GPC6: variants seen among roughly 807,000 people sequenced by gnomAD.
GPC6 encodes glypican-6.
GPC6 carries 14 observed loss-of-function variants against 55.2 expected under a neutral mutation model. The ratio of observed to expected loss-of-function variants is 0.25; its 90% CI spans 0.17 to 0.40. The LOEUF is 0.40. Ranked by LOEUF, GPC6 falls within the 10% of genes least tolerant of loss-of-function variation. The pLI is 1.00. For synonymous variants in GPC6, 278 were observed against 259.6 expected, an observed-to-expected ratio of 1.07 and a Z score of -0.68; for missense variants, 641 against 708.5, an observed-to-expected ratio of 0.90 and a Z score of 1.08.
At chr13:94,338,253 C>T (rs1378147169) in intron 6 of GPC6, among the ~76,000 whole-genome samples, 1 of 152,132 alleles carries the variant, frequency 6.6e-6, no homozygotes, top group Non-Finnish European at 1.5e-5. Flanking sequence ...CCAGAGATTC[C>T]TAATCTGCTT....
At chr13:93,385,929 T>C (rs9524038) in intron 1 of GPC6, among the ~76,000 whole-genome samples, 23,715 of 151,880 alleles carry the variant, frequency 0.16, 2,511 homozygotes, top group East Asian at 0.53. Context: ...CTAACACGGA[T>C]GTATTCTATA....
At chr13:93,821,391 G>T (rs1435886181) in intron 2 of GPC6, among the ~76,000 whole-genome samples, 2 of 152,060 alleles carry the variant, frequency 1.3e-5, no homozygotes, top group South Asian at 4.1e-4. Flanking sequence ...AAATAGGCCT[G>T]GAAAATACTC....
chr13:93,953,137 C>T (rs1424775616), intron 3 of GPC6, among the ~76,000 whole-genome samples: 4 of 152,026 alleles, frequency 2.6e-5, no homozygotes. Context: ...CACCTTCCCT[C>T]GTGGTTTTTG....
At chr13:93,853,837 G>A (rs914141313) in intron 3 of GPC6, among the ~76,000 whole-genome samples, 12 of 151,262 alleles carry the variant, frequency 7.9e-5, no homozygotes, top group Non-Finnish European at 1.3e-4. Flanking sequence ...TTGTCCTCAC[G>A]GGAATTAAAT....
intron 2 of GPC6, among the ~76,000 whole-genome samples, chr13:93,640,832 G>GTTGC (rs1879902496): frequency 8.3e-6 from 1 of 119,954 alleles, no homozygotes; most frequent in Non-Finnish European, 1.6e-5. Context: ...TCCTTCCTTT[G>GTTGC]TTCCTTCCTT....
intron 4 of GPC6, among the ~76,000 whole-genome samples, chr13:94,127,778 T>C (rs1422319129): frequency 6.6e-6 from 1 of 152,190 alleles, no homozygotes; most frequent in Non-Finnish European, 1.5e-5. Flanking sequence ...TTGCCACAGG[T>C]GACTGGTTTA....
intron 4 of GPC6, among the ~76,000 whole-genome samples, chr13:94,125,350 G>A (rs147368599): frequency 3.9e-5 from 6 of 152,114 alleles, no homozygotes; most frequent in Non-Finnish European, 1.5e-5. Flanking sequence ...GATGCTTTAA[G>A]TATCAGAAAT....
chr13:93,933,450 A>G, intron 3 of GPC6, among the ~76,000 whole-genome samples: 1 of 152,130 alleles, frequency 6.6e-6, no homozygotes, highest in East Asian at 1.9e-4. Flanking sequence ...GCTTTAAACC[A>G]GGCTCTACTA....
chr13:93,341,797 C>T (rs1880264519), intron 1 of GPC6, among the ~76,000 whole-genome samples: 1 of 149,680 alleles, frequency 6.7e-6, no homozygotes, highest in Non-Finnish European at 1.5e-5. Flanking sequence ...GCGTCTTAGT[C>T]ATTATTTATT....
chr13:93,996,532 G>A (rs185351825), intron 3 of GPC6, among the ~76,000 whole-genome samples: 2 of 152,094 alleles, frequency 1.3e-5, no homozygotes, highest in African/African-American at 4.8e-5. Flanking sequence ...TTTTCTTGGT[G>A]GTTAGTGCTT....
At chr13:93,995,254 C>G (rs1013243413) in intron 3 of GPC6, among the ~76,000 whole-genome samples, 1 of 151,870 alleles carries the variant, frequency 6.6e-6, no homozygotes, top group Non-Finnish European at 1.5e-5. Flanking sequence ...GTGGCACAAC[C>G]TCAGCTCAGT....
rs189640001 is a variant in GPC6, at chr13:93,354,825, A to G, written c.160+127209A>G. ...GTGGACAGAGAATCCACCCACTTCAAGTGGGACAAAGAGATCCCAGGAGGG... is the reference window on the plus strand; with the variant it reads ...GTGGACAGAGAATCCACCCACTTCAGGTGGGACAAAGAGATCCCAGGAGGG... On this transcript the variant is annotated intron_variant, in intron 1 of 8. Transcript: ENST00000377047. Among the ~76,000 whole-genome samples, 697 of 152,272 alleles carry G rather than the reference A, an allele frequency of 4.6e-3. 6 individuals carry two copies. Among genetic ancestry groups the G allele is most frequent in the South Asian group, 0.016 (75 of 4,822 alleles).
At chr13:93,768,105 T>A (rs1194007195) in intron 2 of GPC6, among the ~76,000 whole-genome samples, 4 of 152,204 alleles carry the variant, frequency 2.6e-5, no homozygotes, top group African/African-American at 9.6e-5. Flanking sequence ...ATTTAACTCA[T>A]GTGGCGTGGA....
chr13:93,282,449 A>T (rs1439531139), intron 1 of GPC6, among the ~76,000 whole-genome samples: 1 of 152,024 alleles, frequency 6.6e-6, no homozygotes, highest in Non-Finnish European at 1.5e-5. Context: ...CTAGGAAGAG[A>T]GCAGGTATGT....
intron 2 of GPC6, among the ~76,000 whole-genome samples, chr13:93,549,524 G>A (rs1359252848): frequency 1.3e-5 from 2 of 152,116 alleles, no homozygotes; most frequent in Non-Finnish European, 2.9e-5. Flanking sequence ...GTGCAGTCAC[G>A]CAGATGTTAT....
chr13:93,631,519 A>G (rs1036138509), intron 2 of GPC6, among the ~76,000 whole-genome samples: 1 of 152,232 alleles, frequency 6.6e-6, no homozygotes, highest in Non-Finnish European at 1.5e-5. Flanking sequence ...TACTTTTTAT[A>G]GCAGCCCTAA....
intron 1 of GPC6, among the ~76,000 whole-genome samples, chr13:93,466,725 G>A (rs1268303137): frequency 6.6e-6 from 1 of 152,160 alleles, no homozygotes; most frequent in African/African-American, 2.4e-5. Flanking sequence ...GCATGTGTAT[G>A]GAAGAGTCAA....
intron 1 of GPC6, among the ~76,000 whole-genome samples, chr13:93,375,893 A>C (rs1488181779): frequency 6.6e-6 from 1 of 152,186 alleles, no homozygotes; most frequent in Non-Finnish European, 1.5e-5. Flanking sequence ...TAACGGAGGA[A>C]CCTCAGGATC....
intron 4 of GPC6, among the ~76,000 whole-genome samples, chr13:94,266,111 C>T (rs769920705): frequency 7.3e-5 from 11 of 151,528 alleles, no homozygotes; most frequent in Non-Finnish European, 1.5e-4. Context: ...TTTTCCCTGT[C>T]TCCTTGTTTT....
Sources: gnomAD v4.1 joint callset for allele counts (sites outside exome capture counted in the v4.1 genomes callset) on GRCh38, gnomAD v4.1.1 for gene constraint, MANE v1.5 for transcripts, NCBI Gene and HGNC (gene_info 2026-07-23, HGNC 2026-07-21) for gene names.